TOP2B: variants seen among roughly 807,000 people sequenced by gnomAD.
TOP2B encodes DNA topoisomerase 2-beta.
TOP2B carries 51 observed loss-of-function variants against 193.5 expected under a neutral mutation model. That is an observed-to-expected ratio of 0.26 (90% CI 0.21 to 0.33). The LOEUF (loss-of-function observed/expected upper bound fraction) is 0.33. Ranked by LOEUF, TOP2B falls within the 10% of genes least tolerant of loss-of-function variation. TOP2B has a pLI of 1.00. For synonymous variants in TOP2B, 634 were observed against 635.7 expected (o/e 1.00, Z 0.04); for missense variants, 1,378 against 1,909.3 (o/e 0.72, Z 5.19).
At chr3:25,662,435 T>C (rs1017804889) in intron 1 of TOP2B, among the ~76,000 whole-genome samples, 1 of 152,228 alleles carries the variant, frequency 6.6e-6, no homozygotes, top group Admixed American at 6.5e-5. Flanking sequence ...ATTATCTTTT[T>C]AATAAACTTC....
intron 4 of TOP2B, among the ~76,000 whole-genome samples, chr3:25,641,587 A>G (rs1575581601): frequency 6.6e-6 from 1 of 152,132 alleles, no homozygotes; most frequent in East Asian, 1.9e-4. Flanking sequence ...ATTTTCATAT[A>G]AAATATAGTT....
chr3:25,647,727 C>A (rs1703451034), intron 1 of TOP2B, among the ~76,000 whole-genome samples: 2 of 152,044 alleles, frequency 1.3e-5, no homozygotes, highest in Non-Finnish European at 2.9e-5. Flanking sequence ...CACCTCTTCC[C>A]AAATGGATAT....
At chr3:25,651,297 G>A (rs1287219517) in intron 1 of TOP2B, among the ~76,000 whole-genome samples, 1 of 151,944 alleles carries the variant, frequency 6.6e-6, no homozygotes, top group Non-Finnish European at 1.5e-5. Context: ...GGTGAAAAAA[G>A]GAAGAGTTTT....
intron 1 of TOP2B, among the ~76,000 whole-genome samples, chr3:25,655,117 G>A (rs532118239): frequency 6.6e-6 from 1 of 152,256 alleles, no homozygotes; most frequent in East Asian, 1.9e-4. Context: ...TGAAAAGGCA[G>A]CGTATGGAAT....
rs1292783449 is a variant in TOP2B at position 25,626,773 on chromosome 3, T to C, written c.2108A>G (p.Glu703Gly). The C allele has an allele frequency of 6.2e-7, 1 of 1,606,370 alleles. No individual in the cohort carries two copies. The highest frequency in any genetic ancestry group is 1.3e-5 in the African/African-American group (1 of 74,802). ...AGGTCACCACTCTTTAAGACTAACC[T>C]CTGGTAAGCCATGTAGCCTACGCTG... The part of the protein sequence containing the change: ...RRQRRLHGLP[E>G]QFLYGTATKH... The change falls in exon 17 of 36, where the codon GAG (glutamate) becomes GGG (glycine). Residue 703 changes from glutamate (E) to glycine (G), a missense_variant and splice_region_variant. Glu to Gly is a moderately conservative substitution (Grantham distance 98, BLOSUM62 -2). This residue lies in a region of TOP2B where 379 missense variants were observed against 615.1 expected (regional missense o/e 0.62). Transcript: ENST00000264331.
Position 25,615,423 on chromosome 3 carries a change from G to T in TOP2B, c.3507+8C>A. 6.5e-7 allele frequency: 1 copy of T among 1,538,826 alleles called. No individual in the cohort carries two copies. The highest frequency in any genetic ancestry group is 8.7e-7 in the Non-Finnish European group (1 of 1,145,820). On this transcript the variant is annotated splice_region_variant and intron_variant, in intron 26 of 35. Transcript: ENST00000264331. Reference sequence around the variant, plus strand: ...GTTTCAAACTATTTAACCCACAAAAGTTCATACTTTTGCATCTCTCTGTTT... The same window carrying T: ...GTTTCAAACTATTTAACCCACAAAATTTCATACTTTTGCATCTCTCTGTTT...
At position 25,649,985 on chromosome 3, in the gene TOP2B, G is replaced by A. The variant is rs555388817; in HGVS notation, c.70-4515C>T. ...TCAACTCTGAAGAACCAAGGGTCTT[G>A]GGAATTTAACCATGCCAATGCAGTC... On this transcript the variant is annotated intron_variant, in intron 1 of 35. Transcript: ENST00000264331. Among the ~76,000 whole-genome samples the A allele has an allele frequency of 9.2e-5, 14 of 152,260 alleles. No homozygotes were observed. The East Asian group carries it at 9.6e-4, about 10-fold the overall frequency.
In TOP2B at chr3:25,632,552, C is replaced by T; in HGVS notation, c.1160G>A (p.Cys387Tyr). The T allele has an allele frequency of 6.3e-7, 1 of 1,593,514 alleles. No individual in the cohort carries two copies. The highest frequency in any genetic ancestry group is 1.2e-5 in the South Asian group (1 of 86,494). ...ATCAAAAGTTGGATTTTCAATAAGG[C>T]AATTAATAAAAACCCATATATGGTT... ...VKNHIWVFIN[C>Y]LIENPTFDSQ... The change falls in exon 10 of 36, where the codon TGC (cysteine) becomes TAC (tyrosine). Residue 387 changes from cysteine (C) to tyrosine (Y), a missense_variant. This residue lies in a region of TOP2B where 222 missense variants were observed against 306.6 expected (regional missense o/e 0.72). Coordinates refer to ENST00000264331, the MANE Select transcript of TOP2B (RefSeq NM_001330700.2).
At chr3:25,645,968 A>G (rs1232931592) in intron 1 of TOP2B, among the ~76,000 whole-genome samples, 5 of 146,660 alleles carry the variant, frequency 3.4e-5, no homozygotes, top group African/African-American at 2.6e-5. Flanking sequence ...ACAAGGTTTC[A>G]CCATGTTGGC....
intron 1 of TOP2B, among the ~76,000 whole-genome samples, chr3:25,656,210 A>C (rs1027520864): frequency 6.6e-6 from 1 of 152,224 alleles, no homozygotes; most frequent in Admixed American, 6.5e-5. Context: ...TTCTATTTAA[A>C]GTCAGGAAAA....
In TOP2B at chr3:25,630,559, T is replaced by C. The variant is rs1411012572; in HGVS notation, c.1406-90A>G. The C allele has an allele frequency of 2.1e-5, 23 of 1,093,894 alleles. 1 individual carries two copies. Among genetic ancestry groups the C allele is most frequent in the Middle Eastern group, 4.5e-4 (2 of 4,454 alleles). The allele number at this position is 1,093,894 out of a possible 1,614,324, so 67.8% of individuals were successfully genotyped here. A position where few individuals can be genotyped will look rare whatever the true frequency, so the allele number is the denominator to read the frequency against. The stretch of plus-strand genomic sequence containing the variant: ...AGTCAGAAAATTAACATTAGAATGC[T>C]GACAGTGAAAGACTATAAAAGTTAT... On this transcript the variant is annotated intron_variant, in intron 11 of 35. Coordinates refer to ENST00000264331, the MANE Select transcript of TOP2B (RefSeq NM_001330700.2).
intron 15 of TOP2B, among the ~76,000 whole-genome samples, 172 bp downstream of exon 15, chr3:25,628,675 A>G (rs11712723): frequency 0.33 from 49,673 of 151,978 alleles, 8,737 homozygotes; most frequent in African/African-American, 0.45. Flanking sequence ...CCATTCAATG[A>G]AATCTATTAC....
chr3:25,627,403 C>G (rs1457576221), intron 15 of TOP2B, 107 bp from the exon 16 acceptor site: 2 of 625,790 alleles, frequency 3.2e-6, no homozygotes, highest in East Asian at 5.5e-5. Flanking sequence ...AAGCTGGCAA[C>G]ACCTATACTA....
At chr3:25,599,393 T>G in intron 35 of TOP2B, 42 bp downstream of exon 35, 1 of 1,582,374 alleles carries the variant, frequency 6.3e-7, no homozygotes, top group Non-Finnish European at 8.6e-7. Flanking sequence ...AGATCTTTTT[T>G]TAAAAAGCCA....
chr3:25,613,488 T>C (rs1702430303), intron 27 of TOP2B, among the ~76,000 whole-genome samples: 1 of 152,168 alleles, frequency 6.6e-6, no homozygotes, highest in African/African-American at 2.4e-5. Context: ...TCCCAGCACT[T>C]TGTGAGGCTG....
chr3:25,661,979 C>G (rs1285453655), intron 1 of TOP2B, among the ~76,000 whole-genome samples: 2 of 152,184 alleles, frequency 1.3e-5, no homozygotes, highest in Non-Finnish European at 2.9e-5. Context: ...TTTCTCAAAA[C>G]AGATGACCAC....
At chr3:25,632,622 G>A in intron 9 of TOP2B, 39 bp from the exon 10 acceptor site, 2 of 1,603,372 alleles carry the variant, frequency 1.2e-6, no homozygotes, top group African/African-American at 2.7e-5. Context: ...TATCAGAGCT[G>A]ATATTTAGTA....
At position 25,628,912 on chromosome 3, in the gene TOP2B, G is replaced by A; in HGVS notation, c.1841C>T (p.Pro614Leu). The change falls in exon 15 of 36, where the codon CCT becomes CTT. Residue 614 changes from proline to leucine, a missense_variant. Physicochemically the swap from Pro to Leu is moderately conservative, Grantham distance 98. Around this residue, in one of 9 missense-constraint regions of TOP2B, gnomAD observed 379 missense variants for 615.1 expected, o/e 0.62. Coordinates refer to ENST00000264331, the MANE Select transcript of TOP2B (RefSeq NM_001330700.2). ...NKQELSFYSI[P>L]EFDEWKKHIE... ...ATGTTTTTTCCATTCGTCAAATTCA[G>A]GAATACTGTAGAAGGAAAGTTCCTG... 6.3e-7 allele frequency: 1 copy of A among 1,599,064 alleles called. No homozygotes were observed. Among genetic ancestry groups the A allele is most frequent in the Non-Finnish European group, 8.5e-7 (1 of 1,175,730 alleles).
intron 15 of TOP2B, among the ~76,000 whole-genome samples, chr3:25,627,991 G>A (rs1209835953): frequency 1.3e-5 from 2 of 151,322 alleles, no homozygotes; most frequent in East Asian, 1.9e-4. Context: ...AACACATGAG[G>A]AAGAGAGCCG....
Sources: gnomAD v4.1 joint callset for allele counts (sites outside exome capture counted in the v4.1 genomes callset) on GRCh38, gnomAD v4.1.1 for gene constraint, gnomAD v4.1.1 regional missense constraint, MANE v1.5 for transcripts, NCBI Gene and HGNC (gene_info 2026-07-23, HGNC 2026-07-21) for gene names.